TFDP1: variants seen among roughly 807,000 people sequenced by gnomAD.
TFDP1 encodes the protein DRTF1-polypeptide 1.
TFDP1 carries 6 observed loss-of-function variants against 48.0 expected under a neutral mutation model. That is an observed-to-expected ratio of 0.13 (90% CI 0.07 to 0.25). TFDP1 has a LOEUF of 0.25. TFDP1 is among the 10% of genes least tolerant of loss of function. The pLI is 1.00. For synonymous variants in TFDP1, 201 were observed against 211.6 expected, an observed-to-expected ratio of 0.95 and a Z score of 0.44; for missense variants, 335 against 543.0, an observed-to-expected ratio of 0.62 and a Z score of 3.81.
At chr13:113,615,681 A>G (rs937847740) in intron 3 of TFDP1, among the ~76,000 whole-genome samples, 1 of 152,134 alleles carries the variant, frequency 6.6e-6, no homozygotes, top group Non-Finnish European at 1.5e-5. Flanking sequence ...CAGTGGGAGG[A>G]TTGCTTGAGG....
At chr13:113,590,129 G>C (rs967647397) in intron 2 of TFDP1, among the ~76,000 whole-genome samples, 3 of 152,258 alleles carry the variant, frequency 2.0e-5, no homozygotes, top group African/African-American at 4.8e-5. Flanking sequence ...CTCTTGGGCT[G>C]TGCGGGCACT....
Position 113,595,898 on chromosome 13 carries a change from T to C in TFDP1, c.12+10049T>C, listed in dbSNP as rs373013278. 3.0e-3 allele frequency among the ~76,000 whole-genome samples: 450 copies of C among 152,222 alleles called. 4 individuals are homozygous for C. Among genetic ancestry groups the C allele is most frequent in the East Asian group, 0.01 (52 of 5,180 alleles). On this transcript the variant is annotated intron_variant, in intron 2 of 11. Transcript: ENST00000375370. ...GATATCGAGACCATCCTGGCTAACA[T>C]GGTGAAACCCCGTCTCTACTAAAAA...
At chr13:113,621,114 G>C (rs1261671509) in intron 3 of TFDP1, among the ~76,000 whole-genome samples, 2 of 152,278 alleles carry the variant, frequency 1.3e-5, no homozygotes, top group Non-Finnish European at 2.9e-5. Context: ...GTATTCGAAA[G>C]TCTCACCGAT....
At chr13:113,620,226 C>G (rs1469621961) in intron 3 of TFDP1, among the ~76,000 whole-genome samples, 1 of 152,200 alleles carries the variant, frequency 6.6e-6, no homozygotes, top group East Asian at 1.9e-4. Context: ...GTCCCACAGC[C>G]CCACCACCAC....
intron 2 of TFDP1, among the ~76,000 whole-genome samples, chr13:113,599,752 A>G (rs1052426351): frequency 3.3e-5 from 5 of 152,226 alleles, no homozygotes; most frequent in Non-Finnish European, 7.3e-5. Flanking sequence ...TTCCACATCC[A>G]GGACCGTGAG....
chr13:113,639,190 G>A (rs1037677042), intron 11 of TFDP1, among the ~76,000 whole-genome samples: 1 of 152,248 alleles, frequency 6.6e-6, no homozygotes, highest in African/African-American at 2.4e-5. Context: ...GTGTGAACGT[G>A]TGGCGGTCAG....
At chr13:113,586,409 C>G (rs1217160945) in intron 2 of TFDP1, among the ~76,000 whole-genome samples, 3 of 152,138 alleles carry the variant, frequency 2.0e-5, no homozygotes, top group African/African-American at 7.2e-5. Flanking sequence ...ACTTAGCCTG[C>G]TTTGCAGTTG....
At chr13:113,604,810 G>A (rs889719477) in intron 2 of TFDP1, among the ~76,000 whole-genome samples, 1 of 152,214 alleles carries the variant, frequency 6.6e-6, no homozygotes, top group Non-Finnish European at 1.5e-5. Flanking sequence ...ACGTTCTGAC[G>A]TTACAGCGGG....
intron 4 of TFDP1, among the ~76,000 whole-genome samples, chr13:113,628,242 G>A (rs969619227): frequency 1.3e-4 from 19 of 151,860 alleles, no homozygotes; most frequent in Admixed American, 8.5e-4. Context: ...GTCTGGAGCC[G>A]TGTAGAGACT....
At chr13:113,639,360 G>C (rs4150820) in intron 11 of TFDP1, among the ~76,000 whole-genome samples, 1 of 152,130 alleles carries the variant, frequency 6.6e-6, no homozygotes, top group African/African-American at 2.4e-5. Flanking sequence ...ACGAAATACC[G>C]ATTTTCATAG....
At chr13:113,612,553 C>T (rs1282467644) in intron 3 of TFDP1, among the ~76,000 whole-genome samples, 2 of 152,166 alleles carry the variant, frequency 1.3e-5, no homozygotes, top group Non-Finnish European at 2.9e-5. Flanking sequence ...AAGTTGCAGG[C>T]GTGACATTTT....
rs112577542 is a variant in TFDP1 at position 113,627,626 on chromosome 13, T to C, written c.187-3997T>C. Among the ~76,000 whole-genome samples, 3 of 152,214 alleles carry C rather than the reference T, an allele frequency of 2.0e-5. No individual in the cohort carries two copies. Among genetic ancestry groups the C allele is most frequent in the African/African-American group, 7.2e-5 (3 of 41,526 alleles). On this transcript the variant is annotated intron_variant, in intron 4 of 11. Transcript: ENST00000375370. The surrounding 1 kb of genome is among the most constrained non-coding windows in gnomAD (Gnocchi z 4.1). ...CTTAGGGCAGAAGGGATGCCTTAAATCAGGAGTCCCCAACCCCTGGGCCTG... is the reference window on the plus strand; with the variant it reads ...CTTAGGGCAGAAGGGATGCCTTAAACCAGGAGTCCCCAACCCCTGGGCCTG...
chr13:113,611,023 C>T lies in TFDP1; in HGVS notation c.40C>T (p.Leu14Phe), dbSNP rs777276222. 6.2e-7 allele frequency: 1 copy of T among 1,614,168 alleles called. No individual in the cohort carries two copies. Among genetic ancestry groups the T allele is most frequent in the Non-Finnish European group, 8.5e-7 (1 of 1,180,018 alleles). Reference protein sequence around the residue: ...DAGLIEANGELKVFIDQNLSP... With the variant: ...DAGLIEANGEFKVFIDQNLSP... ...CGGTCTAATTGAAGCCAACGGAGAA[C>T]TCAAGGTCTTCATAGACCAGAACCT... Residue 14 changes from leucine (L) to phenylalanine (F), a missense_variant, in exon 3 of 12, where the codon CTC becomes TTC. Transcript: ENST00000375370.
intron 3 of TFDP1, among the ~76,000 whole-genome samples, chr13:113,621,991 A>G (rs999788569): frequency 1.3e-5 from 2 of 152,178 alleles, no homozygotes; most frequent in East Asian, 1.9e-4. Flanking sequence ...GAAAGTACTA[A>G]AAGTCTCTGA....
chr13:113,635,108 T>A (rs2049449447), intron 8 of TFDP1, among the ~76,000 whole-genome samples: 1 of 152,252 alleles, frequency 6.6e-6, no homozygotes, highest in South Asian at 2.1e-4. Context: ...CACCTGGGTC[T>A]TGACAGTGCT....
rs2140237155 is a variant in TFDP1 at position 113,584,763 on chromosome 13, G to GGGCAGGGACCCCGCCAC, written c.-186_-170dup. On this transcript the variant is annotated 5_prime_UTR_variant, in exon 1 of 12. Transcript: ENST00000375370. ...CCGCGTCCCGGCGCCACTCGGCCCA[G>GGGCAGGGACCCCGCCAC]GGCAGGGACCCCGCCACGGCCGGGA... is the stretch of plus-strand genomic sequence containing the variant. 6.8e-6 allele frequency: 1 copy of GGGCAGGGACCCCGCCAC among 146,590 alleles called. No homozygotes were observed. Among genetic ancestry groups the GGGCAGGGACCCCGCCAC allele is most frequent in the Non-Finnish European group, 1.5e-5 (1 of 65,892 alleles). 9.1% of individuals were successfully genotyped at this position (146,590 alleles called of 1,614,324 possible).
chr13:113,624,337 C>T (rs898868971), intron 4 of TFDP1, among the ~76,000 whole-genome samples: 1 of 151,850 alleles, frequency 6.6e-6, no homozygotes, highest in African/African-American at 2.4e-5. Flanking sequence ...ACGTGTCTCT[C>T]GGGTGTCCTC....
intron 2 of TFDP1, among the ~76,000 whole-genome samples, chr13:113,591,297 C>G (rs1038854509): frequency 6.0e-5 from 9 of 150,140 alleles, no homozygotes; most frequent in Non-Finnish European, 4.4e-5. Flanking sequence ...GCCGAGATCA[C>G]GCCATTGCAC....
At chr13:113,592,818 C>G (rs1405037386) in intron 2 of TFDP1, among the ~76,000 whole-genome samples, 3 of 151,884 alleles carry the variant, frequency 2.0e-5, no homozygotes, top group Admixed American at 1.3e-4. Flanking sequence ...CAGCCCTGCC[C>G]AGGTGACAGG....
Sources: gnomAD v4.1 joint callset for allele counts (sites outside exome capture counted in the v4.1 genomes callset) on GRCh38, gnomAD v4.1.1 for gene constraint, Gnocchi (gnomAD v3.1) non-coding constraint, MANE v1.5 for transcripts, NCBI Gene and HGNC (gene_info 2026-07-23, HGNC 2026-07-21) for gene names.